PLEKHG5: variants seen among roughly 807,000 people sequenced by gnomAD.
The protein encoded by PLEKHG5 is pleckstrin homology domain-containing family G member 5.
A neutral mutation model predicts 103.8 loss-of-function variants in PLEKHG5; 52 were observed. The observed-to-expected ratio is 0.50, with a 90% confidence interval of 0.40 to 0.63. PLEKHG5 has a LOEUF of 0.63. Ranked by LOEUF, PLEKHG5 falls within the 30% of genes least tolerant of loss-of-function variation. The pLI, the probability that PLEKHG5 is intolerant of heterozygous loss-of-function variation, is 0.00. For missense variants in PLEKHG5, 1,205 were observed against 1,347.6 expected (o/e 0.89, Z 1.66); for synonymous variants, 592 against 575.5 (o/e 1.03, Z -0.41).
chr1:6,491,523 G>A lies in PLEKHG5; in HGVS notation c.-88+114C>T. The A allele has an allele frequency of 2.9e-6, 1 of 345,016 alleles. No homozygotes were observed. Among genetic ancestry groups the A allele is most frequent in the Non-Finnish European group, 4.1e-6 (1 of 245,284 alleles). 21.4% of individuals were successfully genotyped at this position (345,016 alleles called of 1,614,324 possible). On this transcript the variant is annotated intron_variant, in intron 1 of 20. Transcript: ENST00000377728. The surrounding 1 kb of genome is among the most constrained non-coding windows in gnomAD (Gnocchi z 4.1). ...CCCCACCACCTCTCTCCGGGGACCAGTCACTTCCAGAGATGGCCCAAACCT... is the reference window on the plus strand; with the variant it reads ...CCCCACCACCTCTCTCCGGGGACCAATCACTTCCAGAGATGGCCCAAACCT...
rs1355540940 is a variant in PLEKHG5 at position 6,470,759 on chromosome 1, G to A, written c.1518C>T (p.Arg506=). The A allele has an allele frequency of 8.3e-6, 13 of 1,562,994 alleles. No homozygotes were observed. Among genetic ancestry groups the A allele is most frequent in the Non-Finnish European group, 1.1e-5 (13 of 1,155,336 alleles). ...KSVLRKTEEP[R]AKEAVVAMIG... is the part of the protein sequence containing the mutation. ...CCATGGCGACGACGGCCTCCTTGGC[G>A]CGCGGCTCCTCGGTCTTCCTCAGCA... is the stretch of plus-strand genomic sequence containing the variant. The change falls in exon 14 of 21, where the codon CGC becomes CGT. Residue 506 remains arginine (R), a synonymous_variant. Transcript: ENST00000377728.
At chr1:6,500,639 A>G (rs908962698), upstream of PLEKHG5, among the ~76,000 whole-genome samples, 13 of 136,182 alleles carry the variant, frequency 9.5e-5, no homozygotes, top group African/African-American at 3.6e-4. Flanking sequence ...CCGCTAAGCA[A>G]ACCTGGAACC....
chr1:6,471,880 G>T, intron 10 of PLEKHG5, 72 bp from the exon 11 acceptor site: 1 of 1,431,642 alleles, frequency 7.0e-7, no homozygotes, highest in Non-Finnish European at 9.6e-7. Context: ...CCAGCCTCAG[G>T]CTCCCCTGCC....
At chr1:6,479,189 TCCCAAGTGTCTAAATAACG>T (rs1644838227) in intron 1 of PLEKHG5, among the ~76,000 whole-genome samples, 1 of 152,196 alleles carries the variant, frequency 6.6e-6, no homozygotes, top group Non-Finnish European at 1.5e-5. Flanking sequence ...ATTGACATTT[TCCCAAGTGTCTAAATAACG>T]TTCTTACAGA....
intron 20 of PLEKHG5, 114 bp from the exon 21 acceptor site, chr1:6,467,686 A>G: frequency 2.1e-6 from 3 of 1,451,204 alleles, no homozygotes; most frequent in Non-Finnish European, 2.9e-6. Flanking sequence ...TGCCCACCAC[A>G]GCCCCCTGCG....
In PLEKHG5 at chr1:6,487,960, A is replaced by C. The variant is rs1225059182; in HGVS notation, c.-88+3677T>G. 6.6e-6 allele frequency among the ~76,000 whole-genome samples: 1 copy of C among 152,170 alleles called. No homozygotes were observed. The highest frequency in any genetic ancestry group is 1.5e-5 in the Non-Finnish European group (1 of 68,026). On this transcript the variant is annotated intron_variant, in intron 1 of 20. Coordinates refer to ENST00000377728, the MANE Select transcript of PLEKHG5 (RefSeq NM_020631.6). This position sits in a 1 kb window ranked among gnomAD's most constrained non-coding sequence, Gnocchi z 4.1. Reference sequence around the variant, plus strand: ...GCCACAGAAGGACATGGGGACAGGAAAGGGCTCGGCCAGGATATCCCTTCC... The same window carrying C: ...GCCACAGAAGGACATGGGGACAGGACAGGGCTCGGCCAGGATATCCCTTCC...
At position 6,477,207 on chromosome 1, in the gene PLEKHG5, C is replaced by T. The variant is rs142218273; in HGVS notation, c.43+322G>A. Among the ~76,000 whole-genome samples the T allele has an allele frequency of 8.2e-3, 1,243 of 152,326 alleles. 5 individuals carry two copies. The highest frequency in any genetic ancestry group is 0.012 in the Non-Finnish European group (793 of 68,024). On this transcript the variant is annotated intron_variant, in intron 2 of 20. Coordinates refer to ENST00000377728, the MANE Select transcript of PLEKHG5 (RefSeq NM_020631.6). ...TGGCTTGCAGGACTTGTCCAGAAGT[C>T]CCCTGCCCTGAGGATAGGCAGAACT...
intron 1 of PLEKHG5, among the ~76,000 whole-genome samples, chr1:6,514,054 G>C (rs924062664): frequency 6.6e-6 from 1 of 152,224 alleles, no homozygotes; most frequent in African/African-American, 2.4e-5. Context: ...CAGGTATGGA[G>C]GTTCACGTCT....
At position 6,470,535 on chromosome 1, in the gene PLEKHG5, C is replaced by T. The variant is rs1392926394; in HGVS notation, c.1651G>A (p.Val551Met). 3.7e-6 allele frequency: 6 copies of T among 1,608,610 alleles called. No individual in the cohort carries two copies. Among genetic ancestry groups the T allele is most frequent in the African/African-American group, 1.3e-5 (1 of 74,930 alleles). Reference protein sequence around the residue: ...VVSRIDAYEVVESSSDEVDKL... With the variant: ...VVSRIDAYEVMESSSDEVDKL... ...TCCACTTCGTCGCTGCTGCTTTCCA[C>T]CACCTCGTAGGCGTCGATGCGGCTC... is the stretch of plus-strand genomic sequence containing the variant. Residue 551 changes from valine to methionine, a missense_variant, in exon 15 of 21, where the codon GTG becomes ATG. Physicochemically the swap from Val to Met is conservative, Grantham distance 21 (BLOSUM62 1). Coordinates refer to ENST00000377728, the MANE Select transcript of PLEKHG5 (RefSeq NM_020631.6).
chr1:6,471,667 C>T, intron 11 of PLEKHG5, 30 bp from the exon 12 acceptor site: 2 of 1,568,000 alleles, frequency 1.3e-6, no homozygotes, highest in East Asian at 2.4e-5. Flanking sequence ...CGGTTGGCCA[C>T]GCCCCTCCGC....
intron 1 of PLEKHG5, among the ~76,000 whole-genome samples, chr1:6,503,220 A>G (rs1372850970): frequency 6.6e-6 from 1 of 152,144 alleles, no homozygotes; most frequent in African/African-American, 2.4e-5. Context: ...GCTCAAGACC[A>G]GCCTGGGCAA....
chr1:6,519,703 GCT>G, exon 1 of PLEKHG5: 1 of 633,812 alleles, frequency 1.6e-6, no homozygotes. Flanking sequence ...AAACCAAGGC[GCT>G]CTCAGCCCTG....
rs771710300 is a variant in PLEKHG5 at position 6,473,092 on chromosome 1, C to T, written c.878G>A (p.Arg293His). The T allele has an allele frequency of 3.7e-6, 6 of 1,613,910 alleles. No individual in the cohort carries two copies. Among genetic ancestry groups the T allele is most frequent in the Non-Finnish European group, 4.2e-6 (5 of 1,179,878 alleles). ...FGLPRLPRGL[R>H]FDHDSWEEEY... ...CTCCTCCCAGGAGTCATGGTCGAAG[C>T]GCAGCCCCCGGGGCAGCCTGGGCAG... Residue 293 changes from arginine to histidine, a missense_variant, in exon 9 of 21, where the codon CGC becomes CAC. Coordinates refer to ENST00000377728, the MANE Select transcript of PLEKHG5 (RefSeq NM_020631.6).
At chr1:6,495,121 C>CAA (rs746540266), upstream of PLEKHG5, among the ~76,000 whole-genome samples, 87 of 152,368 alleles carry the variant, frequency 5.7e-4, no homozygotes, top group Non-Finnish European at 1.0e-3. Context: ...TCAGGTCAGG[C>CAA]AAAAGCCTCG....
chr1:6,474,627 G>T, intron 5 of PLEKHG5, 40 bp from the exon 6 acceptor site: 1 of 1,609,914 alleles, frequency 6.2e-7, no homozygotes, highest in Non-Finnish European at 8.5e-7. Flanking sequence ...AGAACCAGGC[G>T]GCCAGTCGCT....
In PLEKHG5 at chr1:6,476,081, T is replaced by A. The variant is rs755000420; in HGVS notation, c.44-45A>T. 8 of 1,537,348 alleles carry A rather than the reference T, an allele frequency of 5.2e-6. No individual in the cohort carries two copies. The South Asian group carries it at 9.0e-5, about 17-fold the overall frequency. ...GGGTTGTGCCTCCCCCGCCCCTCCTTAGCCTGCAGCATGGCTGCCTCCAGA... is the reference window on the plus strand; with the variant it reads ...GGGTTGTGCCTCCCCCGCCCCTCCTAAGCCTGCAGCATGGCTGCCTCCAGA... On this transcript the variant is annotated intron_variant, in intron 2 of 20. Transcript: ENST00000377728.
chr1:6,503,673 G>C (rs897366266), intron 1 of PLEKHG5, among the ~76,000 whole-genome samples: 1 of 152,176 alleles, frequency 6.6e-6, no homozygotes, highest in Admixed American at 6.5e-5. Flanking sequence ...GCCTAGCAAA[G>C]TGCTGGGATT....
In PLEKHG5 at chr1:6,486,219, C is replaced by G. The variant is rs767059510; in HGVS notation, c.-88+5418G>C. Among the ~76,000 whole-genome samples, 1 of 152,052 alleles carries G rather than the reference C, an allele frequency of 6.6e-6. No individual in the cohort carries two copies. The highest frequency in any genetic ancestry group is 1.5e-5 in the Non-Finnish European group (1 of 67,978). On this transcript the variant is annotated intron_variant, in intron 1 of 20. Transcript: ENST00000377728. The surrounding 1 kb of genome is among the most constrained non-coding windows in gnomAD (Gnocchi z 5.3). ...AGCAAGGGAGCTCTTAGAATACAGG[C>G]ACCAGAAGGGGGAGGCCAGGATGGG...
At chr1:6,468,643 GC>G in intron 19 of PLEKHG5, 57 bp from the exon 20 acceptor site, 1 of 1,596,038 alleles carries the variant, frequency 6.3e-7, no homozygotes, top group Non-Finnish European at 8.6e-7. Context: ...GCCTGAGGCA[GC>G]CCCAGGCTGG....
Sources: gnomAD v4.1 joint callset for allele counts (sites outside exome capture counted in the v4.1 genomes callset) on GRCh38, gnomAD v4.1.1 for gene constraint, Gnocchi (gnomAD v3.1) non-coding constraint, MANE v1.5 for transcripts, NCBI Gene and HGNC (gene_info 2026-07-23, HGNC 2026-07-21) for gene names.